The following DNM1 variants were observed in gnomAD, a reference collection of about 807,000 sequenced individuals.
DNM1 encodes the protein dynamin-1.
In DNM1, 29 loss-of-function variants were observed where a neutral mutation model predicts 104.6. The observed-to-expected ratio is 0.28, with a 90% CI of 0.21 to 0.38. The LOEUF (loss-of-function observed/expected upper bound fraction) is 0.38, where lower values mean the gene tolerates loss of function less well. Ranked by LOEUF, DNM1 falls within the 10% of genes least tolerant of loss-of-function variation. The pLI, the probability that DNM1 is intolerant of heterozygous loss-of-function variation, is 1.00. For missense variants in DNM1, 640 were observed against 1,189.4 expected (o/e 0.54, Z 6.79); for synonymous variants, 445 against 475.8 (o/e 0.94, Z 0.84).
At position 128,242,628 on chromosome 9, in the gene DNM1, C is replaced by T. The variant is rs1473111045; in HGVS notation, c.1671+283C>T. Among the ~76,000 whole-genome samples, 4 of 152,044 alleles carry T rather than the reference C, an allele frequency of 2.6e-5. No individual in the cohort carries two copies. The East Asian group carries it at 5.8e-4, about 22-fold the overall frequency. On this transcript the variant is annotated intron_variant, in intron 15 of 21. Coordinates refer to ENST00000372923, the MANE Select transcript of DNM1 (RefSeq NM_004408.4). ...TACAAAAATTAACCAGGTGTGTTGG[C>T]GGGCGCCTGTAATCCCAGCTACTAG...
chr9:128,212,841 C>A lies in DNM1; in HGVS notation c.162-5390C>A, dbSNP rs573579586. 3.9e-5 allele frequency among the ~76,000 whole-genome samples: 6 copies of A among 152,328 alleles called. No individual in the cohort carries two copies. The South Asian group carries it at 1.0e-3, about 26-fold the overall frequency. On this transcript the variant is annotated intron_variant, in intron 1 of 21. Transcript: ENST00000372923. ...ACAATTCAATGATCTTTGGTATATT[C>A]ACAGAGTGGTGCAACCATCATCACT...
At chr9:128,233,829 A>G (rs1217591640) in intron 10 of DNM1, 192 bp from the exon 11 acceptor site, 18 of 595,594 alleles carry the variant, frequency 3.0e-5, no homozygotes, top group South Asian at 1.2e-4. Flanking sequence ...TGGAACCCAC[A>G]CTTGGGGGAA....
At position 128,253,517 on chromosome 9, in the gene DNM1, A is replaced by G; in HGVS notation, c.2535-1137A>G. On this transcript the variant is annotated intron_variant, in intron 21 of 21. Coordinates refer to ENST00000372923, the MANE Select transcript of DNM1 (RefSeq NM_004408.4). This position sits in a 1 kb window ranked among gnomAD's most constrained non-coding sequence, Gnocchi z 5.9. ...TGGGGCTGGACTCTGAGGCGGCCAG[A>G]GGCCTAGGAACGTTATCCTGGGCAC... is the stretch of plus-strand genomic sequence containing the variant. The G allele has an allele frequency of 3.5e-6, 1 of 288,906 alleles. No individual in the cohort carries two copies. Among genetic ancestry groups the G allele is most frequent in the East Asian group, 7.9e-5 (1 of 12,684 alleles). 17.9% of individuals were successfully genotyped at this position (288,906 alleles called of 1,614,324 possible).
rs141748215 is a variant in DNM1, at chr9:128,219,077, C to T, written c.414C>T (p.Pro138=). ...HVLNLTLVDL[P]GMTKVPVGDQ... ...TGAACCTGACCCTGGTGGACCTGCC[C>T]GGAATGACCAAGGTCCCGGTGGGGG... Residue 138 remains proline, a synonymous_variant, in exon 4 of 22, where the codon CCC becomes CCT. Transcript: ENST00000372923. 4.2e-5 allele frequency: 67 copies of T among 1,614,002 alleles called. No individual in the cohort carries two copies. In the African/African-American group the frequency reaches 6.9e-4, roughly 17 times the overall value.
chr9:128,218,708 A>T lies in DNM1; in HGVS notation c.362A>T (p.Asn121Ile). The change falls in exon 3 of 22, where the codon AAC becomes ATC. Residue 121 changes from asparagine (N) to isoleucine (I), a missense_variant. Around this residue, in one of 7 missense-constraint regions of DNM1, gnomAD observed 172 missense variants for 335.3 expected, o/e 0.51. Transcript: ENST00000372923. This position sits in a 1 kb window ranked among gnomAD's most constrained non-coding sequence, Gnocchi z 4.8. Reference sequence around the variant, plus strand: ...AAGGGCATCTCGCCGGTGCCTATCAACCTCCGCGTCTACTCGCCGCACGGT... The same window carrying T: ...AAGGGCATCTCGCCGGTGCCTATCATCCTCCGCGTCTACTCGCCGCACGGT... The part of the protein sequence containing the change: ...TNKGISPVPI[N>I]LRVYSPHVLN... 1 of 1,604,736 alleles carries T rather than the reference A, an allele frequency of 6.2e-7. No homozygotes were observed. The highest frequency in any genetic ancestry group is 8.5e-7 in the Non-Finnish European group (1 of 1,173,396).
rs1217862294 is a variant in DNM1 at position 128,246,915 on chromosome 9, TCTC to T, written c.1781+415_1781+417del. ...GGGCCCTAGTCAGGCCTGGTCCTCTTCTCCTGCTCTCTTTCCTATAGGGTGGTG... is the reference window on the plus strand; with the variant it reads ...GGGCCCTAGTCAGGCCTGGTCCTCTTCTGCTCTCTTTCCTATAGGGTGGTG... On this transcript the variant is annotated intron_variant, in intron 16 of 21. Coordinates refer to ENST00000372923, the MANE Select transcript of DNM1 (RefSeq NM_004408.4). 9 of 248,744 alleles carry T rather than the reference TCTC, an allele frequency of 3.6e-5. No homozygotes were observed. The South Asian group carries it at 4.7e-4, about 13-fold the overall frequency. 15.4% of individuals were successfully genotyped at this position (248,744 alleles called of 1,614,324 possible).
At chr9:128,204,374 G>A (rs575389805) in intron 1 of DNM1, 12 of 152,542 alleles carry the variant, frequency 7.9e-5, no homozygotes, top group Non-Finnish European at 1.6e-4. Context: ...CTGGCCAGAG[G>A]AATCGTGTTG....
At chr9:128,207,481 C>A (rs1305332259) in intron 1 of DNM1, among the ~76,000 whole-genome samples, 2 of 152,012 alleles carry the variant, frequency 1.3e-5, no homozygotes, top group African/African-American at 4.8e-5. Flanking sequence ...CTCTTTGTCA[C>A]CCCCGCCCCG....
Position 128,224,375 on chromosome 9 carries a change from C to G in DNM1, c.1321C>G (p.Gln441Glu). 1 of 1,611,782 alleles carries G rather than the reference C, an allele frequency of 6.2e-7. No individual in the cohort carries two copies. Among genetic ancestry groups the G allele is most frequent in the Middle Eastern group, 1.7e-4 (1 of 6,024 alleles). ...CTCGGAGCTAATCAGCACCGTTAGA[C>G]AGTGCACCAAGAAGGTAACCCGGAG... ...VISELISTVRQCTKKLQQYPR... is the reference protein window; with the variant it reads ...VISELISTVRECTKKLQQYPR... Residue 441 changes from glutamine (Q) to glutamate (E), a missense_variant, in exon 10 of 22, where the codon CAG (glutamine) becomes GAG (glutamate). Transcript: ENST00000372923. The surrounding 1 kb of genome is among the most constrained non-coding windows in gnomAD (Gnocchi z 4.3).
In DNM1 at chr9:128,239,432, T is replaced by C; in HGVS notation, c.1423-13T>C. ...TCTTTTGCGCTTGCCCACCAACCTATGTATCCTTGAAGGTCATGCTTCTCA... is the reference window on the plus strand; with the variant it reads ...TCTTTTGCGCTTGCCCACCAACCTACGTATCCTTGAAGGTCATGCTTCTCA... On this transcript the variant is annotated splice_polypyrimidine_tract_variant and intron_variant, in intron 11 of 21. Transcript: ENST00000372923. 1 of 1,612,682 alleles carries C rather than the reference T, an allele frequency of 6.2e-7. No homozygotes were observed. Among genetic ancestry groups the C allele is most frequent in the South Asian group, 1.1e-5 (1 of 91,024 alleles).
At chr9:128,238,534 T>G (rs1836154483) in intron 11 of DNM1, among the ~76,000 whole-genome samples, 1 of 152,092 alleles carries the variant, frequency 6.6e-6, no homozygotes, top group Non-Finnish European at 1.5e-5. Context: ...AAAAGCCTCA[T>G]TTTTAACTTA....
rs28514594 is a variant in DNM1 at position 128,233,790 on chromosome 9, G to A, written c.1336-231G>A. Reference sequence around the variant, plus strand: ...CCAGGTAGGCCAGTGAAGAGGGCCCGGAACCAGGAAGACCCTTGAATCACC... The same window carrying A: ...CCAGGTAGGCCAGTGAAGAGGGCCCAGAACCAGGAAGACCCTTGAATCACC... On this transcript the variant is annotated intron_variant, in intron 10 of 21. Transcript: ENST00000372923. 0.015 allele frequency: 8,684 copies of A among 565,678 alleles called. 591 individuals carry two copies. The highest frequency in any genetic ancestry group is 0.14 in the African/African-American group (7,449 of 51,704). The allele number at this position is 565,678 out of a possible 1,614,324, so 35.0% of individuals were successfully genotyped here. A position where few individuals can be genotyped will look rare whatever the true frequency, so the allele number is the denominator to read the frequency against.
Position 128,218,186 on chromosome 9 carries a change from G to C in DNM1, c.162-45G>C. ...GACAGGTACCCCTGGGACAGAGGGC[G>C]CCCCCTCATATCTTGACCCTCCTTT... On this transcript the variant is annotated intron_variant, in intron 1 of 21. Coordinates refer to ENST00000372923, the MANE Select transcript of DNM1 (RefSeq NM_004408.4). This position sits in a 1 kb window ranked among gnomAD's most constrained non-coding sequence, Gnocchi z 4.8. The C allele has an allele frequency of 6.3e-7, 1 of 1,584,898 alleles. No individual in the cohort carries two copies. The highest frequency in any genetic ancestry group is 8.7e-7 in the Non-Finnish European group (1 of 1,153,430).
intron 1 of DNM1, among the ~76,000 whole-genome samples, chr9:128,210,515 A>G (rs968234132): frequency 3.9e-5 from 6 of 152,186 alleles, no homozygotes; most frequent in Admixed American, 2.6e-4. Flanking sequence ...GGCACCCGCC[A>G]TCATGCCTGG....
Position 128,247,278 on chromosome 9 carries a change from C to A in DNM1, c.1782-97C>A, listed in dbSNP as rs988029587. On this transcript the variant is annotated intron_variant, in intron 16 of 21. Coordinates refer to ENST00000372923, the MANE Select transcript of DNM1 (RefSeq NM_004408.4). This position sits in a 1 kb window ranked among gnomAD's most constrained non-coding sequence, Gnocchi z 5.1. ...GTCACACAGCTGGGAAATGAGCTGG[C>A]CTCAGGCATGTTGACCCCAAAGTCT... is the stretch of plus-strand genomic sequence containing the variant. 9.6e-6 allele frequency: 7 copies of A among 731,182 alleles called. No individual in the cohort carries two copies. The highest frequency in any genetic ancestry group is 6.5e-5 in the Admixed American group (3 of 45,910). The allele number at this position is 731,182 out of a possible 1,614,324, so 45.3% of individuals were successfully genotyped here. A position where few individuals can be genotyped will look rare whatever the true frequency, so the allele number is the denominator to read the frequency against.
intron 16 of DNM1, 28 bp downstream of exon 16, chr9:128,246,531 C>T: frequency 1.9e-6 from 3 of 1,581,728 alleles, no homozygotes; most frequent in Non-Finnish European, 2.6e-6. Context: ...GCTGTGGCTG[C>T]TGCAGCCCCA....
Position 128,222,635 on chromosome 9 carries a change from TC to T in DNM1, c.1128+45del. ...CCCTGGGGACAGGATGGCTCAGGAC[TC>T]CCCCCACCCTCACTCAGGACTCTCT... On this transcript the variant is annotated intron_variant, in intron 8 of 21. Coordinates refer to ENST00000372923, the MANE Select transcript of DNM1 (RefSeq NM_004408.4). The surrounding 1 kb of genome is among the most constrained non-coding windows in gnomAD (Gnocchi z 7.8). 4 of 1,611,122 alleles carry T rather than the reference TC, an allele frequency of 2.5e-6. No homozygotes were observed. Among genetic ancestry groups the T allele is most frequent in the African/African-American group, 1.3e-5 (1 of 74,846 alleles).
chr9:128,246,020 G>A (rs545095650), intron 15 of DNM1, among the ~76,000 whole-genome samples: 3 of 152,360 alleles, frequency 2.0e-5, no homozygotes, highest in African/African-American at 7.2e-5. Context: ...GGTCTCTGCA[G>A]TCAGGAAATG....
chr9:128,243,398 G>A lies in DNM1; in HGVS notation c.1671+1053G>A, dbSNP rs968463214. 7.2e-5 allele frequency among the ~76,000 whole-genome samples: 11 copies of A among 152,088 alleles called. No individual in the cohort carries two copies. Among genetic ancestry groups the A allele is most frequent in the Admixed American group, 6.5e-5 (1 of 15,282 alleles). ...GCTACAGCATCCTCAACGGGGGAGCGGGGCTCTGGGTGGGGCCTGTGATTT... is the reference window on the plus strand; with the variant it reads ...GCTACAGCATCCTCAACGGGGGAGCAGGGCTCTGGGTGGGGCCTGTGATTT... On this transcript the variant is annotated intron_variant, in intron 15 of 21. Transcript: ENST00000372923. The surrounding 1 kb of genome is among the most constrained non-coding windows in gnomAD (Gnocchi z 4.0).
Sources: gnomAD v4.1 joint callset for allele counts (sites outside exome capture counted in the v4.1 genomes callset) on GRCh38, gnomAD v4.1.1 for gene constraint, gnomAD v4.1.1 regional missense constraint, Gnocchi (gnomAD v3.1) non-coding constraint, MANE v1.5 for transcripts, NCBI Gene and HGNC (gene_info 2026-07-23, HGNC 2026-07-21) for gene names.